The following ADAMTS2 variants were observed in gnomAD, a reference collection of about 807,000 sequenced individuals.
The protein encoded by ADAMTS2 is ADAM metallopeptidase with thrombospondin type 1 motif 2.
Under a neutral mutation model 123.0 loss-of-function variants are expected in ADAMTS2, and 50 were observed. The ratio of observed to expected loss-of-function variants is 0.41; its 90% confidence interval spans 0.32 to 0.51. The LOEUF (loss-of-function observed/expected upper bound fraction) is 0.51. Among genes scored for constraint, ADAMTS2 ranks in the 20% least tolerant of loss-of-function variants. The probability of loss-of-function intolerance (pLI) is 0.35; values close to 1 mark genes in which losing one functional copy is unlikely to be tolerated. For synonymous variants in ADAMTS2, 678 were observed against 695.4 expected (o/e 0.98, Z 0.39); for missense variants, 1,494 against 1,705.2 (o/e 0.88, Z 2.18).
chr5:179,124,437 C>A (rs1762816264), intron 19 of ADAMTS2, among the ~76,000 whole-genome samples: 1 of 152,196 alleles, frequency 6.6e-6, no homozygotes, highest in Non-Finnish European at 1.5e-5. Flanking sequence ...CCTCCCACCT[C>A]TGCATGAGAC....
intron 4 of ADAMTS2, among the ~76,000 whole-genome samples, chr5:179,190,311 T>C (rs1764276743): frequency 6.6e-6 from 1 of 152,088 alleles, no homozygotes; most frequent in Non-Finnish European, 1.5e-5. Flanking sequence ...GTGGGAGAGA[T>C]TAAGCTGAAG....
chr5:179,215,004 A>G (rs1764947385), intron 3 of ADAMTS2, among the ~76,000 whole-genome samples: 1 of 152,272 alleles, frequency 6.6e-6, no homozygotes, highest in Non-Finnish European at 1.5e-5. Flanking sequence ...ATTCATCCGG[A>G]AGACCACACC....
At chr5:179,157,045 C>G (rs940493358) in intron 6 of ADAMTS2, among the ~76,000 whole-genome samples, 2 of 146,530 alleles carry the variant, frequency 1.4e-5, no homozygotes, top group African/African-American at 5.0e-5. Flanking sequence ...CTCACTGCAA[C>G]CTCTGCCTCC....
chr5:179,176,786 G>A (rs779729538), intron 5 of ADAMTS2, among the ~76,000 whole-genome samples: 4 of 152,216 alleles, frequency 2.6e-5, no homozygotes, highest in Non-Finnish European at 5.9e-5. Context: ...GGCGGGAGAC[G>A]CAGGTCTGCT....
Position 179,189,311 on chromosome 5 carries a change from G to A in ADAMTS2, c.892-8156C>T, listed in dbSNP as rs972078379. ...GCAAAGGGTGGTGGGACTACCATTC[G>A]TTGGTATAGGTTTGGGATAGACGGT... is the stretch of plus-strand genomic sequence containing the variant. On this transcript the variant is annotated intron_variant, in intron 4 of 21. Transcript: ENST00000251582. The surrounding 1 kb of genome is among the most constrained non-coding windows in gnomAD (Gnocchi z 4.2). 3.3e-5 allele frequency among the ~76,000 whole-genome samples: 5 copies of A among 151,894 alleles called. No individual in the cohort carries two copies. The highest frequency in any genetic ancestry group is 6.6e-5 in the Admixed American group (1 of 15,244).
intron 2 of ADAMTS2, among the ~76,000 whole-genome samples, chr5:179,321,899 C>T (rs1410244431): frequency 6.6e-6 from 1 of 152,168 alleles, no homozygotes; most frequent in Admixed American, 6.5e-5. Context: ...AGATCCCGGC[C>T]TCTCCATGTT....
In ADAMTS2 at chr5:179,128,243, T is replaced by G; in HGVS notation, c.2458-125A>C. 8.0e-7 allele frequency: 1 copy of G among 1,253,706 alleles called. No individual in the cohort carries two copies. The highest frequency in any genetic ancestry group is 1.1e-6 in the Non-Finnish European group (1 of 887,574). 77.7% of individuals were successfully genotyped at this position (1,253,706 alleles called of 1,614,324 possible). On this transcript the variant is annotated intron_variant, in intron 16 of 21. Coordinates refer to ENST00000251582, the MANE Select transcript of ADAMTS2 (RefSeq NM_014244.5). This position sits in a 1 kb window ranked among gnomAD's most constrained non-coding sequence, Gnocchi z 4.9. ...CATCATTCATGGCAGTTACATTCCA[T>G]GAAGTCGCCCCGAGCACCAAATTCT...
At position 179,180,975 on chromosome 5, in the gene ADAMTS2, G is replaced by C; in HGVS notation, c.975+97C>G. ...GCCAGGGAGAGGCAGGGTGGTTCTG[G>C]CAAACGCACACACTCTCCAAGGAGG... On this transcript the variant is annotated intron_variant, in intron 5 of 21. Transcript: ENST00000251582. This position sits in a 1 kb window ranked among gnomAD's most constrained non-coding sequence, Gnocchi z 4.6. 2 of 943,618 alleles carry C rather than the reference G, an allele frequency of 2.1e-6. No homozygotes were observed. The highest frequency in any genetic ancestry group is 3.4e-6 in the Non-Finnish European group (2 of 586,862). 58.5% of individuals were successfully genotyped at this position (943,618 alleles called of 1,614,324 possible).
chr5:179,177,489 A>G (rs115296235), intron 5 of ADAMTS2, among the ~76,000 whole-genome samples: 1,977 of 152,346 alleles, frequency 0.013, 41 homozygotes, highest in African/African-American at 0.045. Context: ...TGCCTGATAA[A>G]TGCTTGCAAA....
At chr5:179,288,337 C>T (rs1756087717) in intron 2 of ADAMTS2, among the ~76,000 whole-genome samples, 1 of 152,248 alleles carries the variant, frequency 6.6e-6, no homozygotes, top group Non-Finnish European at 1.5e-5. Flanking sequence ...CCTGCCAGGC[C>T]CGAGGCTGTC....
intron 2 of ADAMTS2, among the ~76,000 whole-genome samples, chr5:179,313,255 G>T (rs1756880987): frequency 8.1e-6 from 1 of 122,806 alleles, no homozygotes; most frequent in Non-Finnish European, 1.7e-5. Flanking sequence ...CAGAGCAGGG[G>T]TGTCAGCAGA....
rs11268642 is a variant in ADAMTS2 at position 179,122,324 on chromosome 5, G to GCACAGGCACCCCCCACTCA, written c.3088+319_3088+320insTGAGTGGGGGGTGCCTGTG. 0.27 allele frequency among the ~76,000 whole-genome samples: 40,869 copies of GCACAGGCACCCCCCACTCA among 151,594 alleles called. 5,559 individuals are homozygous for GCACAGGCACCCCCCACTCA. The highest frequency in any genetic ancestry group is 0.34 in the Middle Eastern group (100 of 294). On this transcript the variant is annotated intron_variant, in intron 20 of 21. Coordinates refer to ENST00000251582, the MANE Select transcript of ADAMTS2 (RefSeq NM_014244.5). ...AGGTCACAGAGCACACTCTCTACTC[G>GCACAGGCACCCCCCACTCA]CACAGGCGTCCCCCTATTCACACAG...
At chr5:179,279,771 C>T (rs1260632706) in intron 2 of ADAMTS2, among the ~76,000 whole-genome samples, 2 of 152,176 alleles carry the variant, frequency 1.3e-5, no homozygotes, top group South Asian at 2.1e-4. Flanking sequence ...TGGGAAGTAT[C>T]GAGTGGGATT....
intron 3 of ADAMTS2, among the ~76,000 whole-genome samples, chr5:179,254,729 C>T (rs989316232): frequency 1.3e-5 from 2 of 152,142 alleles, no homozygotes; most frequent in East Asian, 1.9e-4. Flanking sequence ...CTGTTGATGG[C>T]GTCAAAGATG....
chr5:179,314,204 C>T lies in ADAMTS2; in HGVS notation c.534+29563G>A, dbSNP rs899668861. Among the ~76,000 whole-genome samples, 20 of 152,254 alleles carry T rather than the reference C, an allele frequency of 1.3e-4. No homozygotes were observed. The highest frequency in any genetic ancestry group is 1.9e-4 in the East Asian group (1 of 5,202). On this transcript the variant is annotated intron_variant, in intron 2 of 21. Transcript: ENST00000251582. The surrounding 1 kb of genome is among the most constrained non-coding windows in gnomAD (Gnocchi z 4.5). ...GGCCAGGGCCAGGACTGGCATTTCC[C>T]GGGCTCCTGGTCCCATCCTGCCCCT...
intron 3 of ADAMTS2, among the ~76,000 whole-genome samples, chr5:179,230,325 T>C (rs1227336418): frequency 6.6e-6 from 1 of 152,066 alleles, no homozygotes; most frequent in Non-Finnish European, 1.5e-5. Context: ...GCAGGCTTCC[T>C]GAGTGCCTAC....
chr5:179,168,413 G>A (rs549105064), intron 5 of ADAMTS2, among the ~76,000 whole-genome samples: 259 of 152,290 alleles, frequency 1.7e-3, no homozygotes, highest in Non-Finnish European at 3.1e-3. Context: ...CTCCACCAGC[G>A]TGTGGCCCCG....
chr5:179,290,388 C>T (rs559241129), intron 2 of ADAMTS2, among the ~76,000 whole-genome samples: 159 of 152,316 alleles, frequency 1.0e-3, no homozygotes, highest in African/African-American at 3.8e-3. Flanking sequence ...TCTTGAACTT[C>T]CCAGCCTGCA....
intron 2 of ADAMTS2, among the ~76,000 whole-genome samples, chr5:179,278,586 T>C (rs1034219970): frequency 6.6e-6 from 1 of 152,132 alleles, no homozygotes; most frequent in Non-Finnish European, 1.5e-5. Flanking sequence ...ACCCCACAGC[T>C]GTCCAGCCTG....
Sources: allele counts gnomAD v4.1 joint callset (sites outside exome capture counted in the v4.1 genomes callset), GRCh38; gene constraint gnomAD v4.1.1; non-coding constraint Gnocchi (gnomAD v3.1); transcripts MANE v1.5; gene names NCBI Gene and HGNC (gene_info 2026-07-23, HGNC 2026-07-21).